The following GMEB2 variants were observed in gnomAD, a reference collection of about 807,000 sequenced individuals.
GMEB2 encodes the protein glucocorticoid modulatory element binding protein 2.
Under a neutral mutation model 45.7 loss-of-function variants are expected in GMEB2, and 7 were observed. The ratio of observed to expected loss-of-function variants is 0.15; its 90% CI spans 0.09 to 0.29. The LOEUF (loss-of-function observed/expected upper bound fraction) is 0.29. GMEB2 is among the 10% of genes least tolerant of loss of function. The pLI, the probability that GMEB2 is intolerant of heterozygous loss-of-function variation, is 1.00. For synonymous variants in GMEB2, 322 were observed against 323.6 expected, an observed-to-expected ratio of 1.00 and a Z score of 0.05; for missense variants, 582 against 739.2, an observed-to-expected ratio of 0.79 and a Z score of 2.47.
intron 2 of GMEB2, among the ~76,000 whole-genome samples, chr20:63,618,148 T>C (rs149345041): frequency 6.6e-6 from 1 of 152,092 alleles, no homozygotes; most frequent in African/African-American, 2.4e-5. Flanking sequence ...CATGGACACA[T>C]GCCGGGAAAA....
chr20:63,588,466 G>A lies in GMEB2; in HGVS notation c.*1623C>T, dbSNP rs2083113588. The A allele has an allele frequency of 3.2e-6, 1 of 314,164 alleles. No homozygotes were observed. The highest frequency in any genetic ancestry group is 2.1e-5 in the African/African-American group (1 of 46,830). The allele number at this position is 314,164 out of a possible 1,614,324, so 19.5% of individuals were successfully genotyped here. On this transcript the variant is annotated 3_prime_UTR_variant, in exon 10 of 10. Coordinates refer to ENST00000370077, the MANE Select transcript of GMEB2 (RefSeq NM_012384.5). The stretch of plus-strand genomic sequence containing the variant: ...CTAGAGTGGAAATGAGTTTAAAACG[G>A]AGTATGTACATCAAAAGATCAACAT...
At chr20:63,596,596 T>C (rs2083202425) in intron 5 of GMEB2, among the ~76,000 whole-genome samples, 1 of 152,180 alleles carries the variant, frequency 6.6e-6, no homozygotes, top group African/African-American at 2.4e-5. Flanking sequence ...ACCTGAGCCA[T>C]GGGAAAGGAC....
Position 63,592,430 on chromosome 20 carries a change from C to G in GMEB2, c.829+103G>C, listed in dbSNP as rs2083155062. Reference sequence around the variant, plus strand: ...CCCAAGCCTAGATTCAGCCTCCAACCCAGCAGCACAGAAGGGCCTAGGGGC... The same window carrying G: ...CCCAAGCCTAGATTCAGCCTCCAACGCAGCAGCACAGAAGGGCCTAGGGGC... On this transcript the variant is annotated intron_variant, in intron 8 of 9. Transcript: ENST00000370077. The surrounding 1 kb of genome is among the most constrained non-coding windows in gnomAD (Gnocchi z 8.2). The G allele has an allele frequency of 3.4e-6, 3 of 887,178 alleles. No individual in the cohort carries two copies. In the East Asian group the frequency reaches 7.6e-5, roughly 22 times the overall value. 55.0% of individuals were successfully genotyped at this position (887,178 alleles called of 1,614,324 possible). A position where few individuals can be genotyped will look rare whatever the true frequency, so the allele number is the denominator to read the frequency against.
At chr20:63,604,315 C>A (rs79210185) in intron 3 of GMEB2, among the ~76,000 whole-genome samples, 4,108 of 150,938 alleles carry the variant, frequency 0.027, 73 homozygotes, top group Non-Finnish European at 0.039. Context: ...GAGGTTAAGG[C>A]TATGGTGAAC....
Position 63,592,755 on chromosome 20 carries a change from C to T in GMEB2, c.692-85G>A. ...CACAGCCACAAGGACATCACCATAG[C>T]CACGAGGACACCATGCCAGAGCCGG... On this transcript the variant is annotated intron_variant, in intron 7 of 9. Coordinates refer to ENST00000370077, the MANE Select transcript of GMEB2 (RefSeq NM_012384.5). The surrounding 1 kb of genome is among the most constrained non-coding windows in gnomAD (Gnocchi z 8.2). 1 of 1,119,330 alleles carries T rather than the reference C, an allele frequency of 8.9e-7. No individual in the cohort carries two copies. Among genetic ancestry groups the T allele is most frequent in the Non-Finnish European group, 1.4e-6 (1 of 739,404 alleles). 69.3% of individuals were successfully genotyped at this position (1,119,330 alleles called of 1,614,324 possible).
At chr20:63,625,392 C>T (rs1336132264) in intron 1 of GMEB2, among the ~76,000 whole-genome samples, 2 of 151,868 alleles carry the variant, frequency 1.3e-5, no homozygotes, top group African/African-American at 2.4e-5. Context: ...AGGCTGGTCT[C>T]GAACTCCTGA....
intron 1 of GMEB2, among the ~76,000 whole-genome samples, chr20:63,621,116 G>A (rs1279588249): frequency 7.2e-5 from 11 of 152,212 alleles, no homozygotes; most frequent in Admixed American, 6.5e-4. Flanking sequence ...AGGATCGTTT[G>A]AGCCTAGGAG....
intron 2 of GMEB2, 132 bp from the exon 3 acceptor site, chr20:63,604,972 C>T (rs1347663619): frequency 1.4e-5 from 9 of 638,226 alleles, no homozygotes; most frequent in Admixed American, 1.1e-4. Flanking sequence ...GCAGAGGGGC[C>T]GGGTGCGGTG....
chr20:63,597,683 C>G, intron 5 of GMEB2, 74 bp downstream of exon 5: 1 of 886,040 alleles, frequency 1.1e-6, no homozygotes, highest in African/African-American at 1.6e-5. Flanking sequence ...CTTCAAAATC[C>G]CAAAACCCCA....
At chr20:63,603,420 G>A (rs1273282509) in intron 3 of GMEB2, among the ~76,000 whole-genome samples, 1 of 152,068 alleles carries the variant, frequency 6.6e-6, no homozygotes, top group Non-Finnish European at 1.5e-5. Context: ...AAGGTTCTAG[G>A]GCCTTTAATC....
chr20:63,619,391 T>A lies in GMEB2; in HGVS notation c.7A>T (p.Thr3Ser). Residue 3 changes from threonine (T) to serine (S), a missense_variant, in exon 2 of 10, where the codon ACT (threonine) becomes TCT (serine). By Grantham distance (58) the Thr-to-Ser change is moderately conservative. Coordinates refer to ENST00000370077, the MANE Select transcript of GMEB2 (RefSeq NM_012384.5). This position sits in a 1 kb window ranked among gnomAD's most constrained non-coding sequence, Gnocchi z 4.6. The part of the protein sequence containing the change: MA[T>S]PDVSVHMEEV... ...TCCATGTGCACACTCACGTCGGGAG[T>A]CGCCATGGCTCAGCGGAAGGGGACG... 6.2e-7 allele frequency: 1 copy of A among 1,609,428 alleles called. No homozygotes were observed. Among genetic ancestry groups the A allele is most frequent in the East Asian group, 2.2e-5 (1 of 44,764 alleles).
chr20:63,588,662 TC>T lies in GMEB2; in HGVS notation c.*1426del. On this transcript the variant is annotated 3_prime_UTR_variant, in exon 10 of 10. Transcript: ENST00000370077. ...CTCACTGGACGGACAGCCAGCCAGT[TC>T]CCTTCGGAGCAGTGAAGTGGGACAC... is the stretch of plus-strand genomic sequence containing the variant. The T allele has an allele frequency of 2.5e-6, 1 of 398,028 alleles. No individual in the cohort carries two copies. Among genetic ancestry groups the T allele is most frequent in the Non-Finnish European group, 4.4e-6 (1 of 226,092 alleles). 24.7% of individuals were successfully genotyped at this position (398,028 alleles called of 1,614,324 possible).
chr20:63,617,391 A>T (rs771913281), intron 2 of GMEB2, among the ~76,000 whole-genome samples: 1 of 152,200 alleles, frequency 6.6e-6, no homozygotes, highest in Non-Finnish European at 1.5e-5. Flanking sequence ...TCCTCCCAAC[A>T]GCTGAACCTG....
chr20:63,606,598 C>T (rs1278358371), intron 2 of GMEB2, among the ~76,000 whole-genome samples: 2 of 152,196 alleles, frequency 1.3e-5, no homozygotes, highest in African/African-American at 2.4e-5. Context: ...CCTCCCACCT[C>T]GGCCTACCAA....
intron 2 of GMEB2, among the ~76,000 whole-genome samples, chr20:63,606,951 C>A (rs1423606048): frequency 1.3e-5 from 2 of 152,190 alleles, no homozygotes; most frequent in East Asian, 3.9e-4. Flanking sequence ...GGTGCCGGCC[C>A]AGGACGCAGG....
In GMEB2 at chr20:63,604,779, A is replaced by T. The variant is rs1230901711; in HGVS notation, c.193T>A (p.Phe65Ile). The T allele has an allele frequency of 6.2e-7, 1 of 1,612,458 alleles. No homozygotes were observed. The highest frequency in any genetic ancestry group is 8.5e-7 in the Non-Finnish European group (1 of 1,178,734). Residue 65 changes from phenylalanine (F) to isoleucine (I), a missense_variant, in exon 3 of 10, where the codon TTC becomes ATC. Coordinates refer to ENST00000370077, the MANE Select transcript of GMEB2 (RefSeq NM_012384.5). ...ENAAAAAAAA[F>I]TASSQLKEAV... is the part of the protein sequence containing the mutation. Reference sequence around the variant, plus strand: ...TCCTTGAGCTGGGAGGAGGCTGTGAAGGCCGCGGCAGCTGCTGCCGCTGCA... The same window carrying T: ...TCCTTGAGCTGGGAGGAGGCTGTGATGGCCGCGGCAGCTGCTGCCGCTGCA...
chr20:63,622,758 G>T (rs1346488786), intron 1 of GMEB2, among the ~76,000 whole-genome samples: 2 of 152,200 alleles, frequency 1.3e-5, no homozygotes, highest in Non-Finnish European at 2.9e-5. Context: ...GAGATCCAAG[G>T]AACCAAGAAA....
Position 63,619,551 on chromosome 20 carries a change from C to A in GMEB2, c.-57-97G>T. The A allele has an allele frequency of 1.6e-6, 1 of 634,004 alleles. No homozygotes were observed. Among genetic ancestry groups the A allele is most frequent in the Admixed American group, 3.3e-5 (1 of 29,856 alleles). 39.3% of individuals were successfully genotyped at this position (634,004 alleles called of 1,614,324 possible). On this transcript the variant is annotated intron_variant, in intron 1 of 9. Transcript: ENST00000370077. The surrounding 1 kb of genome is among the most constrained non-coding windows in gnomAD (Gnocchi z 4.6). ...ATCTCTAATCAGCTCCAAAGACCCA[C>A]CCTTGAGTCCCAGACTGCTACCTCC...
At chr20:63,609,936 T>C (rs1353522517) in intron 2 of GMEB2, among the ~76,000 whole-genome samples, 33 of 151,468 alleles carry the variant, frequency 2.2e-4, no homozygotes, top group African/African-American at 7.8e-4. Flanking sequence ...CCCACCTCCA[T>C]TTCTAGAAAC....
Sources: gnomAD v4.1 joint callset for allele counts (sites outside exome capture counted in the v4.1 genomes callset) on GRCh38, gnomAD v4.1.1 for gene constraint, Gnocchi (gnomAD v3.1) non-coding constraint, MANE v1.5 for transcripts, NCBI Gene and HGNC (gene_info 2026-07-23, HGNC 2026-07-21) for gene names.